Variants in SLC2A8 observed in about 807,000 individuals in gnomAD.
The protein encoded by SLC2A8 is solute carrier family 2, facilitated glucose transporter member 8.
SLC2A8 carries 53 observed loss-of-function variants against 49.2 expected under a neutral mutation model. The ratio of observed to expected loss-of-function variants is 1.08; its 90% CI spans 0.86 to 1.35. The LOEUF is 1.35. Among genes scored for constraint, SLC2A8 ranks in the 40% most tolerant of loss-of-function variants. The pLI is 0.00. For missense variants in SLC2A8, 688 were observed against 671.7 expected, an observed-to-expected ratio of 1.02 and a Z score of -0.27; for synonymous variants, 299 against 297.0, an observed-to-expected ratio of 1.01 and a Z score of -0.07.
chr9:127,406,491 C>T (rs1378113120), intron 9 of SLC2A8, among the ~76,000 whole-genome samples: 1 of 152,172 alleles, frequency 6.6e-6, no homozygotes, highest in African/African-American at 2.4e-5. Flanking sequence ...TGACAAAGGA[C>T]CTAACAGTCC....
At chr9:127,403,456 G>A in intron 5 of SLC2A8, 1 of 612,496 alleles carries the variant, frequency 1.6e-6, no homozygotes, top group Non-Finnish European at 2.9e-6. Flanking sequence ...ATCAGGAAGT[G>A]CCCTGGGCAG....
intron 9 of SLC2A8, among the ~76,000 whole-genome samples, chr9:127,406,507 T>A (rs1415407189): frequency 6.6e-6 from 1 of 152,100 alleles, no homozygotes; most frequent in Non-Finnish European, 1.5e-5. Context: ...AGTCCTTTTT[T>A]AGGAGAGAAA....
In SLC2A8 at chr9:127,402,699, G is replaced by A; in HGVS notation, c.669G>A (p.Arg223=). ...GCCAGGAGGCCATGGCCGCCCTGCG[G>A]TTCCTGTGGGGCTCCGAGCAGGGCT... The part of the protein sequence containing the change: ...HRRQEAMAAL[R]FLWGSEQGWE... The change falls in exon 5 of 10, where the codon CGG becomes CGA. Residue 223 remains arginine, a synonymous_variant. Coordinates refer to ENST00000373371, the MANE Select transcript of SLC2A8 (RefSeq NM_014580.5). The A allele has an allele frequency of 6.4e-7, 1 of 1,564,682 alleles. No individual in the cohort carries two copies. The highest frequency in any genetic ancestry group is 8.7e-7 in the Non-Finnish European group (1 of 1,155,646).
chr9:127,403,831 G>C, intron 6 of SLC2A8, 28 bp downstream of exon 6: 2 of 1,608,402 alleles, frequency 1.2e-6, no homozygotes, highest in Non-Finnish European at 1.7e-6. Flanking sequence ...GGCCTGCCTC[G>C]TCCAGCCCCC....
Position 127,404,852 on chromosome 9 carries a change from C to G in SLC2A8, c.1011C>G (p.Gly337=), listed in dbSNP as rs202038269. ...VVMVFSTSAF[G]AYFKLTQGGP... is the part of the protein sequence containing the mutation. ...TGGTGTTCAGCACGAGTGCCTTCGG[C>G]GCCTACTTCAAGCTGACCCAGGGTG... Residue 337 remains glycine, a synonymous_variant, in exon 8 of 10, where the codon GGC becomes GGG. Coordinates refer to ENST00000373371, the MANE Select transcript of SLC2A8 (RefSeq NM_014580.5). 8 of 1,612,412 alleles carry G rather than the reference C, an allele frequency of 5.0e-6. No individual in the cohort carries two copies. Among genetic ancestry groups the G allele is most frequent in the Middle Eastern group, 1.6e-4 (1 of 6,080 alleles).
At chr9:127,406,588 G>A (rs4837150) in intron 9 of SLC2A8, among the ~76,000 whole-genome samples, 47,211 of 125,240 alleles carry the variant, frequency 0.38, 7,795 homozygotes, top group South Asian at 0.5. Context: ...CAGGAGCTGA[G>A]AAGCACCTTT....
In SLC2A8 at chr9:127,404,086, G is replaced by A. The variant is rs777852180; in HGVS notation, c.976+19G>A. ...TTGTCAGGTGAGGGTTCACCCCTGT[G>A]CAGCCTCCCCGCCATGCGGGGGAGG... On this transcript the variant is annotated intron_variant, in intron 7 of 9. Transcript: ENST00000373371. 6.5e-7 allele frequency: 1 copy of A among 1,532,256 alleles called. No individual in the cohort carries two copies. Among genetic ancestry groups the A allele is most frequent in the Admixed American group, 2.0e-5 (1 of 50,716 alleles). The allele number at this position is 1,532,256 out of a possible 1,614,324, so 94.9% of individuals were successfully genotyped here.
At position 127,403,741 on chromosome 9, in the gene SLC2A8, C is replaced by CT. The variant is rs1386074988; in HGVS notation, c.806dup (p.Ser270ValfsTer15). 1.9e-6 allele frequency: 3 copies of CT among 1,613,306 alleles called. No individual in the cohort carries two copies. The highest frequency in any genetic ancestry group is 4.5e-5 in the East Asian group (2 of 44,880). On this transcript the variant is annotated frameshift_variant, in exon 6 of 10. Coordinates refer to ENST00000373371, the MANE Select transcript of SLC2A8 (RefSeq NM_014580.5). LOFTEE classifies it high-confidence loss of function. ...CGTCTCCCTGATGGCCTTCCAGCAG[C>CT]TGTCGGGGGTCAACGCCGTCATGTT...
At chr9:127,405,906 C>A (rs1365380018) in intron 9 of SLC2A8, 2 of 547,654 alleles carry the variant, frequency 3.7e-6, no homozygotes, top group Non-Finnish European at 7.1e-6. Flanking sequence ...ACCCTGGCTA[C>A]TTCCTTGCTG....
At chr9:127,405,357 A>G in intron 8 of SLC2A8, 63 bp from the exon 9 acceptor site, 1 of 1,573,066 alleles carries the variant, frequency 6.4e-7, no homozygotes, top group Non-Finnish European at 8.6e-7. Flanking sequence ...TTGGCTCTGC[A>G]GCAAGCTGAG....
intron 4 of SLC2A8, among the ~76,000 whole-genome samples, chr9:127,401,358 C>A (rs1833282394): frequency 6.6e-6 from 1 of 152,200 alleles, no homozygotes; most frequent in Non-Finnish European, 1.5e-5. Context: ...GGGTAGGAGG[C>A]CTCGGGGGCC....
rs561202364 is a variant in SLC2A8 at position 127,397,515 on chromosome 9, G to A, written c.196G>A (p.Asp66Asn). ...CGCGCCCCCGGCCCCGCGCCTGGACGACGCCGCCGCCTCCTGGTTCGGGGT... is the reference window on the plus strand; with the variant it reads ...CGCGCCCCCGGCCCCGCGCCTGGACAACGCCGCCGCCTCCTGGTTCGGGGT... ...RAAPPAPRLD[D>N]AAASWFGAVV... is the part of the protein sequence containing the mutation. Residue 66 changes from aspartate to asparagine, a missense_variant, in exon 2 of 10, where the codon GAC (aspartate) becomes AAC (asparagine). Asp to Asn is a conservative substitution (Grantham distance 23). Transcript: ENST00000373371. 6 of 1,429,774 alleles carry A rather than the reference G, an allele frequency of 4.2e-6. No homozygotes were observed. The highest frequency in any genetic ancestry group is 3.6e-6 in the Non-Finnish European group (4 of 1,102,724). The allele number at this position is 1,429,774 out of a possible 1,614,324, so 88.6% of individuals were successfully genotyped here.
rs1253864293 is a variant in SLC2A8 at position 127,399,787 on chromosome 9, G to A, written c.427-120G>A. On this transcript the variant is annotated intron_variant, in intron 3 of 9. Transcript: ENST00000373371. The surrounding 1 kb of genome is among the most constrained non-coding windows in gnomAD (Gnocchi z 4.2). Reference sequence around the variant, plus strand: ...GTAGAGATGGGGTTTCTCCCTGTTGGTCAGGCCAGTCTCAAACTCCCAACC... The same window carrying A: ...GTAGAGATGGGGTTTCTCCCTGTTGATCAGGCCAGTCTCAAACTCCCAACC... 1.4e-6 allele frequency: 1 copy of A among 719,060 alleles called. No individual in the cohort carries two copies. Among genetic ancestry groups the A allele is most frequent in the Non-Finnish European group, 2.4e-6 (1 of 419,326 alleles). The allele number at this position is 719,060 out of a possible 1,614,324, so 44.5% of individuals were successfully genotyped here. A position where few individuals can be genotyped will look rare whatever the true frequency, so the allele number is the denominator to read the frequency against.
intron 3 of SLC2A8, chr9:127,398,398 G>A (rs537529041): frequency 7.4e-5 from 55 of 745,998 alleles, no homozygotes; most frequent in Non-Finnish European, 1.2e-4. Flanking sequence ...CAGGAACCCA[G>A]GGTTGTCCCA....
At chr9:127,400,814 G>A (rs1431356076) in intron 4 of SLC2A8, among the ~76,000 whole-genome samples, 2 of 152,132 alleles carry the variant, frequency 1.3e-5, no homozygotes, top group African/African-American at 4.8e-5. Flanking sequence ...GGCTTTAGAG[G>A]CCAGACCCAG....
intron 9 of SLC2A8, among the ~76,000 whole-genome samples, chr9:127,406,583 G>A (rs1371964276): frequency 1.7e-5 from 2 of 117,780 alleles, no homozygotes; most frequent in East Asian, 4.3e-4. Context: ...AGGACCAGGA[G>A]CTGAGAAGCA....
chr9:127,397,625 C>A (rs962939304), intron 2 of SLC2A8, 87 bp downstream of exon 2: 1 of 1,351,052 alleles, frequency 7.4e-7, no homozygotes, highest in Non-Finnish European at 9.5e-7. Context: ...CCCCACCCTT[C>A]CCCTCGGGAC....
At chr9:127,403,103 T>C (rs558899534) in intron 5 of SLC2A8, among the ~76,000 whole-genome samples, 3 of 151,732 alleles carry the variant, frequency 2.0e-5, no homozygotes, top group Non-Finnish European at 4.4e-5. Context: ...AAAGTCTGGG[T>C]TTTAGAGTCA....
rs951728826 is a variant in SLC2A8 at position 127,397,416 on chromosome 9, G to T, written c.97G>T (p.Ala33Ser). 8.8e-6 allele frequency: 13 copies of T among 1,477,536 alleles called. No homozygotes were observed. In the African/African-American group the frequency reaches 1.9e-4, roughly 22 times the overall value. The allele number at this position is 1,477,536 out of a possible 1,614,324, so 91.5% of individuals were successfully genotyped here. A position where few individuals can be genotyped will look rare whatever the true frequency, so the allele number is the denominator to read the frequency against. Residue 33 changes from alanine (A) to serine (S), a missense_variant, in exon 2 of 10, where the codon GCT becomes TCT. By Grantham distance (99) the Ala-to-Ser change is moderately conservative. Coordinates refer to ENST00000373371, the MANE Select transcript of SLC2A8 (RefSeq NM_014580.5). ...GRRVFLAAFA[A>S]ALGPLSFGFA... ...CCGCGTCTTCCTCGCCGCCTTCGCCGCTGCCCTGGGCCCACTCAGCTTCGG... is the reference window on the plus strand; with the variant it reads ...CCGCGTCTTCCTCGCCGCCTTCGCCTCTGCCCTGGGCCCACTCAGCTTCGG...
Sources: allele counts gnomAD v4.1 joint callset (sites outside exome capture counted in the v4.1 genomes callset), GRCh38; gene constraint gnomAD v4.1.1; non-coding constraint Gnocchi (gnomAD v3.1); transcripts MANE v1.5; gene names NCBI Gene and HGNC (gene_info 2026-07-23, HGNC 2026-07-21).